EFCAB11: variants seen among roughly 807,000 people sequenced by gnomAD.
EFCAB11 encodes EF-hand calcium-binding domain-containing protein 11.
A neutral mutation model predicts 23.0 loss-of-function variants in EFCAB11; 14 were observed. The ratio of observed to expected loss-of-function variants is 0.61; its 90% confidence interval spans 0.40 to 0.95. The LOEUF is 0.95. EFCAB11 is among the 40% of genes least tolerant of loss of function. The probability of loss-of-function intolerance (pLI) is 0.00; values close to 1 mark genes in which losing one functional copy is unlikely to be tolerated. For missense variants in EFCAB11, 198 were observed against 195.8 expected (o/e 1.01, Z -0.07); for synonymous variants, 65 against 66.6 (o/e 0.98, Z 0.11).
chr14:89,950,912 C>T (rs79016780), intron 2 of EFCAB11, among the ~76,000 whole-genome samples: 2,852 of 152,174 alleles, frequency 0.019, 45 homozygotes, highest in Non-Finnish European at 0.029. Context: ...CCCTTAAATG[C>T]TTGTATTCCC....
intron 5 of EFCAB11, among the ~76,000 whole-genome samples, chr14:89,817,720 G>A (rs1002257238): frequency 6.6e-6 from 1 of 152,122 alleles, no homozygotes; most frequent in Non-Finnish European, 1.5e-5. Flanking sequence ...AAGGCCAGGC[G>A]CGGTGGCTCA....
At chr14:89,904,695 G>A (rs1889442497) in intron 5 of EFCAB11, among the ~76,000 whole-genome samples, 1 of 152,138 alleles carries the variant, frequency 6.6e-6, no homozygotes, top group African/African-American at 2.4e-5. Flanking sequence ...CTATCTCATG[G>A]TGGTTTTGAT....
chr14:89,818,622 G>T (rs1252136175), intron 5 of EFCAB11, among the ~76,000 whole-genome samples: 1 of 152,112 alleles, frequency 6.6e-6, no homozygotes, highest in Non-Finnish European at 1.5e-5. Flanking sequence ...CAGCCTAGAA[G>T]AAAAATCTTT....
At chr14:89,871,054 C>A (rs1388593214) in intron 5 of EFCAB11, among the ~76,000 whole-genome samples, 1 of 152,198 alleles carries the variant, frequency 6.6e-6, no homozygotes, top group Non-Finnish European at 1.5e-5. Context: ...ATTTCTCATT[C>A]TCTTGCTTTT....
At chr14:89,907,312 T>C (rs767923761) in intron 5 of EFCAB11, among the ~76,000 whole-genome samples, 15 of 152,342 alleles carry the variant, frequency 9.8e-5, no homozygotes, top group Non-Finnish European at 2.1e-4. Context: ...AAGTCATAAA[T>C]GTTTCCTATT....
At position 89,954,566 on chromosome 14, in the gene EFCAB11, G is replaced by T. The variant is rs575358278; in HGVS notation, c.75+20C>A. 3.1e-6 allele frequency: 5 copies of T among 1,612,668 alleles called. 1 individual carries two copies. The South Asian group carries it at 4.4e-5, about 14-fold the overall frequency. On this transcript the variant is annotated intron_variant, in intron 1 of 5. Coordinates refer to ENST00000316738, the MANE Select transcript of EFCAB11 (RefSeq NM_145231.4). ...AGGCCAAGCTGAAGTCCGAGGCTCAGTCGCCCTCCGGAAACCTACTTCCAC... is the reference window on the plus strand; with the variant it reads ...AGGCCAAGCTGAAGTCCGAGGCTCATTCGCCCTCCGGAAACCTACTTCCAC...
At chr14:89,838,276 C>T (rs1029520591) in intron 5 of EFCAB11, among the ~76,000 whole-genome samples, 1 of 151,756 alleles carries the variant, frequency 6.6e-6, no homozygotes, top group Non-Finnish European at 1.5e-5. Flanking sequence ...ATTGTAAAAT[C>T]AGAAAGTTGT....
chr14:89,876,008 G>C (rs900476190), intron 5 of EFCAB11, among the ~76,000 whole-genome samples: 2 of 152,180 alleles, frequency 1.3e-5, no homozygotes, highest in Non-Finnish European at 2.9e-5. Flanking sequence ...TGTTGAAAAG[G>C]GTTCAAAGAC....
chr14:89,849,797 C>G (rs752333681), intron 5 of EFCAB11, among the ~76,000 whole-genome samples: 3 of 151,922 alleles, frequency 2.0e-5, no homozygotes, highest in Non-Finnish European at 4.4e-5. Context: ...CAAAAATGAC[C>G]AGAAATGAAG....
chr14:89,878,250 A>C (rs1888501417), intron 5 of EFCAB11, among the ~76,000 whole-genome samples: 1 of 152,140 alleles, frequency 6.6e-6, no homozygotes, highest in African/African-American at 2.4e-5. Context: ...TATTGCTTTT[A>C]GTTTTTACAA....
chr14:89,922,298 A>T (rs181897462), intron 5 of EFCAB11, among the ~76,000 whole-genome samples: 1 of 152,370 alleles, frequency 6.6e-6, no homozygotes, highest in African/African-American at 2.4e-5. Context: ...TCACACTGAC[A>T]GACCACATCT....
chr14:89,950,002 CAT>C, intron 3 of EFCAB11, 93 bp downstream of exon 3: 1 of 1,329,588 alleles, frequency 7.5e-7, no homozygotes, highest in East Asian at 2.7e-5. Context: ...TTCCACAACA[CAT>C]AGGAATTTGA....
intron 5 of EFCAB11, among the ~76,000 whole-genome samples, chr14:89,863,577 T>A (rs1887995619): frequency 1.3e-5 from 2 of 152,252 alleles, no homozygotes; most frequent in South Asian, 2.1e-4. Flanking sequence ...TTATTTTCCA[T>A]GTTATTTGCT....
At chr14:89,896,160 C>T (rs998410478) in intron 5 of EFCAB11, among the ~76,000 whole-genome samples, 34 of 152,184 alleles carry the variant, frequency 2.2e-4, no homozygotes, top group African/African-American at 7.5e-4. Context: ...CCGAGGCGGG[C>T]GGACCACGAG....
intron 5 of EFCAB11, among the ~76,000 whole-genome samples, chr14:89,806,840 T>TA (rs1226709516): frequency 6.6e-6 from 1 of 152,224 alleles, no homozygotes; most frequent in Non-Finnish European, 1.5e-5. Flanking sequence ...AGCCAGATCT[T>TA]AGTTATACAA....
intron 5 of EFCAB11, 87 bp from the exon 6 acceptor site, chr14:89,797,411 A>G: frequency 8.0e-7 from 1 of 1,253,750 alleles, no homozygotes; most frequent in Non-Finnish European, 1.1e-6. Flanking sequence ...ATTTATTTGC[A>G]TGTCTGTGTG....
chr14:89,951,392 T>C (rs1350911677), intron 2 of EFCAB11, among the ~76,000 whole-genome samples: 1 of 152,188 alleles, frequency 6.6e-6, no homozygotes, highest in African/African-American at 2.4e-5. Context: ...TTCTCTAGTC[T>C]AAATGACCAC....
At chr14:89,806,747 T>C (rs1160797728) in intron 5 of EFCAB11, among the ~76,000 whole-genome samples, 1 of 152,166 alleles carries the variant, frequency 6.6e-6, no homozygotes, top group African/African-American at 2.4e-5. Flanking sequence ...TGCTATGACT[T>C]TGAAGCTCCT....
intron 3 of EFCAB11, among the ~76,000 whole-genome samples, chr14:89,942,940 T>C (rs1023608945): frequency 6.6e-6 from 1 of 152,212 alleles, no homozygotes. Context: ...GGCCTGGGCA[T>C]CCAGGTTTAG....
Sources: gnomAD v4.1 joint callset for allele counts (sites outside exome capture counted in the v4.1 genomes callset) on GRCh38, gnomAD v4.1.1 for gene constraint, MANE v1.5 for transcripts, NCBI Gene and HGNC (gene_info 2026-07-23, HGNC 2026-07-21) for gene names.